The following LRP1B variants were observed in gnomAD, a reference collection of about 807,000 sequenced individuals.
LRP1B encodes low-density lipoprotein receptor-related protein 1B.
LRP1B carries 217 observed loss-of-function variants against 556.6 expected under a neutral mutation model. That is an observed-to-expected ratio of 0.39 (90% CI 0.35 to 0.44). The LOEUF (loss-of-function observed/expected upper bound fraction) is 0.44, where lower values mean the gene tolerates loss of function less well. LRP1B is among the 20% of genes least tolerant of loss of function. The pLI, the probability that LRP1B is intolerant of heterozygous loss-of-function variation, is 1.00. For synonymous variants in LRP1B, 2,047 were observed against 1,865.8 expected, an observed-to-expected ratio of 1.10 and a Z score of -2.50; for missense variants, 5,053 against 5,620.8, an observed-to-expected ratio of 0.90 and a Z score of 3.23.
At chr2:141,431,215 G>A (rs1680552280) in intron 3 of LRP1B, among the ~76,000 whole-genome samples, 1 of 137,642 alleles carries the variant, frequency 7.3e-6, no homozygotes, top group African/African-American at 2.7e-5. Flanking sequence ...AATCATATCA[G>A]CCCTCAAAAG....
intron 41 of LRP1B, among the ~76,000 whole-genome samples, chr2:140,680,359 C>CTT (rs34454877): frequency 6.6e-6 from 1 of 151,672 alleles, no homozygotes; most frequent in Non-Finnish European, 1.5e-5. Flanking sequence ...AATAAGCTCC[C>CTT]TTTTTTCCCA....
intron 3 of LRP1B, among the ~76,000 whole-genome samples, chr2:141,397,430 C>G (rs1264686008): frequency 6.6e-6 from 1 of 151,068 alleles, no homozygotes; most frequent in East Asian, 1.9e-4. Context: ...CAATGCACAA[C>G]TCATAGTATT....
chr2:140,615,432 C>A (rs183405898), intron 41 of LRP1B, among the ~76,000 whole-genome samples: 11 of 152,170 alleles, frequency 7.2e-5, no homozygotes, highest in African/African-American at 2.6e-4. Context: ...ACTTGGATAA[C>A]CCTGCAATTA....
At chr2:140,947,237 T>C (rs1480686144) in intron 20 of LRP1B, among the ~76,000 whole-genome samples, 2 of 152,184 alleles carry the variant, frequency 1.3e-5, no homozygotes, top group African/African-American at 4.8e-5. Flanking sequence ...GAACTTAAAT[T>C]TAGAAATTTT....
chr2:140,989,777 T>C (rs1253713334), intron 16 of LRP1B, 120 bp from the exon 17 acceptor site: 1 of 893,044 alleles, frequency 1.1e-6, no homozygotes, highest in Non-Finnish European at 1.7e-6. Flanking sequence ...TGTCATAGAG[T>C]CTGTCATTCA....
At chr2:141,918,224 T>G (rs1483175720) in intron 1 of LRP1B, among the ~76,000 whole-genome samples, 2 of 151,890 alleles carry the variant, frequency 1.3e-5, no homozygotes, top group Non-Finnish European at 2.9e-5. Flanking sequence ...GAGGATAAAT[T>G]ATAATTATTT....
At chr2:142,073,712 A>G (rs1445883749) in intron 1 of LRP1B, among the ~76,000 whole-genome samples, 1 of 152,002 alleles carries the variant, frequency 6.6e-6, no homozygotes, top group African/African-American at 2.4e-5. Context: ...CCATTGTTGG[A>G]GATGAGGCCT....
intron 66 of LRP1B, among the ~76,000 whole-genome samples, chr2:140,409,900 T>G (rs1310725550): frequency 6.6e-6 from 1 of 152,072 alleles, no homozygotes; most frequent in Non-Finnish European, 1.5e-5. Context: ...TCTTTTATCA[T>G]TTTACACTAA....
intron 1 of LRP1B, among the ~76,000 whole-genome samples, chr2:141,891,179 T>A (rs1699281120): frequency 1.3e-5 from 2 of 152,074 alleles, no homozygotes; most frequent in East Asian, 3.9e-4. Context: ...AAAAAGAAAA[T>A]AGAAGGCATA....
intron 2 of LRP1B, among the ~76,000 whole-genome samples, chr2:141,729,928 T>C (rs1693206667): frequency 6.6e-6 from 1 of 152,106 alleles, no homozygotes; most frequent in Non-Finnish European, 1.5e-5. Flanking sequence ...TGGGCCCAAG[T>C]TGTGTTATTT....
At chr2:140,552,217 C>T (rs972445238) in intron 43 of LRP1B, among the ~76,000 whole-genome samples, 1 of 152,026 alleles carries the variant, frequency 6.6e-6, no homozygotes, top group Non-Finnish European at 1.5e-5. Context: ...GTATTACAGA[C>T]TAATGAAATA....
At chr2:140,688,673 T>C (rs1686133503) in intron 41 of LRP1B, among the ~76,000 whole-genome samples, 1 of 152,214 alleles carries the variant, frequency 6.6e-6, no homozygotes, top group African/African-American at 2.4e-5. Context: ...CTTGGTCATG[T>C]GACTTGCCAG....
chr2:140,769,217 A>C lies in LRP1B; in HGVS notation c.5754T>G (p.His1918Gln). The part of the protein sequence containing the change: ...GTSFAVGIDF[H>Q]AENDTIYWTD... Reference sequence around the variant, plus strand: ...TATGACTAAAAAGCTATTTACCTGCATGGAAATCTATTCCCACGGCAAATG... The same window carrying C: ...TATGACTAAAAAGCTATTTACCTGCCTGGAAATCTATTCCCACGGCAAATG... The change falls in exon 35 of 91, where the codon CAT becomes CAG. Residue 1918 changes from histidine to glutamine, a missense_variant. Physicochemically the swap from His to Gln is conservative, Grantham distance 24 (BLOSUM62 0). Coordinates refer to ENST00000389484, the MANE Select transcript of LRP1B (RefSeq NM_018557.3). 1 of 1,611,452 alleles carries C rather than the reference A, an allele frequency of 6.2e-7. No homozygotes were observed. The highest frequency in any genetic ancestry group is 2.2e-5 in the East Asian group (1 of 44,796).
intron 11 of LRP1B, among the ~76,000 whole-genome samples, chr2:141,021,190 C>T (rs1698054837): frequency 6.6e-6 from 1 of 152,042 alleles, no homozygotes; most frequent in Admixed American, 6.6e-5. Flanking sequence ...ACAAGGAAAT[C>T]TAGATCACAT....
At chr2:140,442,013 C>T (rs896976280) in intron 66 of LRP1B, among the ~76,000 whole-genome samples, 1 of 151,990 alleles carries the variant, frequency 6.6e-6, no homozygotes, top group East Asian at 1.9e-4. Flanking sequence ...AAAGCAAATG[C>T]TGACTGAAAT....
At chr2:141,620,756 T>A (rs1446121898) in intron 2 of LRP1B, among the ~76,000 whole-genome samples, 1 of 152,016 alleles carries the variant, frequency 6.6e-6, no homozygotes, top group Non-Finnish European at 1.5e-5. Context: ...TGTTTTTTTC[T>A]TTTTTTTACT....
chr2:141,952,192 T>C (rs1701125460), intron 1 of LRP1B, among the ~76,000 whole-genome samples: 1 of 151,710 alleles, frequency 6.6e-6, no homozygotes, highest in African/African-American at 2.4e-5. Flanking sequence ...ATCCTTTTTT[T>C]ATGGCTGCAT....
At chr2:140,488,950 C>T (rs1478058842) in intron 57 of LRP1B, among the ~76,000 whole-genome samples, 1 of 151,826 alleles carries the variant, frequency 6.6e-6, no homozygotes, top group Non-Finnish European at 1.5e-5. Context: ...AGTTTAGTTT[C>T]AACATCTACT....
intron 1 of LRP1B, among the ~76,000 whole-genome samples, chr2:141,976,867 A>G (rs73963405): frequency 6.6e-6 from 1 of 152,302 alleles, no homozygotes; most frequent in African/African-American, 2.4e-5. Flanking sequence ...ATAAAATAGG[A>G]AGATAAAAGA....
Sources: gnomAD v4.1 joint callset for allele counts (sites outside exome capture counted in the v4.1 genomes callset) on GRCh38, gnomAD v4.1.1 for gene constraint, MANE v1.5 for transcripts, NCBI Gene and HGNC (gene_info 2026-07-23, HGNC 2026-07-21) for gene names.